HCRTR2: variants seen among roughly 807,000 people sequenced by gnomAD.
The protein encoded by HCRTR2 is orexin receptor type 2.
HCRTR2 carries 22 observed loss-of-function variants against 49.0 expected under a neutral mutation model. That is an observed-to-expected ratio of 0.45 (90% CI 0.32 to 0.64). The LOEUF is 0.64. Among genes scored for constraint, HCRTR2 ranks in the 30% least tolerant of loss-of-function variants. The probability of loss-of-function intolerance (pLI) is 0.04; values close to 1 mark genes in which losing one functional copy is unlikely to be tolerated. For synonymous variants in HCRTR2, 236 were observed against 205.3 expected, an observed-to-expected ratio of 1.15 and a Z score of -1.28; for missense variants, 491 against 559.4, an observed-to-expected ratio of 0.88 and a Z score of 1.23.
At chr6:55,246,937 G>A (rs1019928734) in intron 1 of HCRTR2, among the ~76,000 whole-genome samples, 6 of 152,034 alleles carry the variant, frequency 3.9e-5, no homozygotes, top group Non-Finnish European at 5.9e-5. Context: ...CTTCCCACCA[G>A]TGCCATTGCT....
intron 1 of HCRTR2, among the ~76,000 whole-genome samples, chr6:55,110,899 C>T (rs1764039975): frequency 6.6e-6 from 1 of 151,964 alleles, no homozygotes; most frequent in African/African-American, 2.4e-5. Context: ...ACAGAACATC[C>T]CACTGACAAC....
intron 1 of HCRTR2, among the ~76,000 whole-genome samples, chr6:55,125,937 G>A (rs1237919130): frequency 6.6e-6 from 1 of 151,946 alleles, no homozygotes; most frequent in Non-Finnish European, 1.5e-5. Context: ...GCTTCACGAA[G>A]TTCTCGTGCT....
chr6:55,129,402 G>C (rs2127244875), intron 1 of HCRTR2, among the ~76,000 whole-genome samples: 1 of 152,112 alleles, frequency 6.6e-6, no homozygotes, highest in South Asian at 2.1e-4. Flanking sequence ...CATCTAAAAT[G>C]GGTTTTGAAA....
intron 1 of HCRTR2, among the ~76,000 whole-genome samples, chr6:55,190,200 C>T (rs1365344179): frequency 3.9e-5 from 6 of 152,166 alleles, no homozygotes; most frequent in Admixed American, 3.9e-4. Context: ...TATTGTGTGC[C>T]TATTGCAGCA....
At chr6:55,230,704 T>C (rs893604428) in intron 1 of HCRTR2, among the ~76,000 whole-genome samples, 3 of 152,196 alleles carry the variant, frequency 2.0e-5, no homozygotes, top group South Asian at 4.1e-4. Context: ...TTAAAACATG[T>C]GTAAGGCATA....
At chr6:55,222,432 T>C (rs1562012203) in intron 1 of HCRTR2, among the ~76,000 whole-genome samples, 1 of 152,194 alleles carries the variant, frequency 6.6e-6, no homozygotes, top group Non-Finnish European at 1.5e-5. Context: ...ATCCCACTTT[T>C]AGATACTTTT....
chr6:55,111,060 CT>C (rs1764042345), intron 1 of HCRTR2, among the ~76,000 whole-genome samples: 1 of 152,028 alleles, frequency 6.6e-6, no homozygotes, highest in Admixed American at 6.6e-5. Flanking sequence ...TGAAAATCAA[CT>C]TCAAAAGGAA....
Position 55,165,846 on chromosome 6 carries a change from A to C in HCRTR2, c.-377-8365A>C, listed in dbSNP as rs1161687508. Among the ~76,000 whole-genome samples the C allele has an allele frequency of 4.0e-5, 6 of 150,260 alleles. No homozygotes were observed. The East Asian group carries it at 1.2e-3, about 30-fold the overall frequency. On this transcript the variant is annotated intron_variant, in intron 1 of 7. Transcript: ENST00000615358. ...ACCCAATCTAAAAAAATAGGCAATA[A>C]ATAGCTATTAGTTCTCCAAAGTACA...
intron 1 of HCRTR2, among the ~76,000 whole-genome samples, chr6:55,238,144 C>T (rs1157544969): frequency 6.6e-6 from 1 of 152,192 alleles, no homozygotes; most frequent in Non-Finnish European, 1.5e-5. Flanking sequence ...TTCTCATCTT[C>T]TATCTACTCT....
intron 2 of HCRTR2, among the ~76,000 whole-genome samples, chr6:55,253,638 C>T (rs1766594693): frequency 6.6e-6 from 1 of 152,032 alleles, no homozygotes; most frequent in Non-Finnish European, 1.5e-5. Flanking sequence ...AAATGCCCAT[C>T]AATGATAGAC....
chr6:55,117,423 GT>G (rs577423714), intron 1 of HCRTR2, among the ~76,000 whole-genome samples: 2 of 151,290 alleles, frequency 1.3e-5, no homozygotes, highest in Non-Finnish European at 3.0e-5. Flanking sequence ...TTTTGTTTTT[GT>G]TTTTTTACTG....
rs200808029 is a variant in HCRTR2, at chr6:55,228,242, T to C, written c.224-20397T>C. Among the ~76,000 whole-genome samples, 18 of 152,134 alleles carry C rather than the reference T, an allele frequency of 1.2e-4. No individual in the cohort carries two copies. In the East Asian group the frequency reaches 3.3e-3, roughly 28 times the overall value. ...AAGTTTTGAAATTTATGTGTAAGAG[T>C]TGAATGAAGAAAGTTATTAATAAGA... On this transcript the variant is annotated intron_variant, in intron 1 of 6. Transcript: ENST00000370862.
chr6:55,281,086 T>C (rs1039932860), intron 6 of HCRTR2, among the ~76,000 whole-genome samples: 1 of 152,232 alleles, frequency 6.6e-6, no homozygotes, highest in Non-Finnish European at 1.5e-5. Flanking sequence ...AATTATGTTT[T>C]AATTAGCTAC....
intron 1 of HCRTR2, among the ~76,000 whole-genome samples, chr6:55,245,504 T>TATATATAC (rs1562020390): frequency 2.8e-5 from 3 of 106,768 alleles, no homozygotes; most frequent in African/African-American, 1.0e-4. Context: ...TATATATATA[T>TATATATAC]ATCTTCCCCA....
At chr6:55,163,492 T>A (rs541611421) in intron 1 of HCRTR2, among the ~76,000 whole-genome samples, 10 of 152,192 alleles carry the variant, frequency 6.6e-5, no homozygotes, top group African/African-American at 2.2e-4. Flanking sequence ...ACTCTCTGAT[T>A]TTTGACAAAC....
chr6:55,177,378 C>T (rs1294719252), intron 1 of HCRTR2, among the ~76,000 whole-genome samples: 1 of 152,198 alleles, frequency 6.6e-6, no homozygotes, highest in Non-Finnish European at 1.5e-5. Flanking sequence ...TCGTTACTCA[C>T]AGACAACTTC....
chr6:55,241,861 A>ATTTTTTTTTT (rs917427627), intron 1 of HCRTR2, among the ~76,000 whole-genome samples: 8 of 92,518 alleles, frequency 8.6e-5, no homozygotes, highest in Non-Finnish European at 1.5e-4. Context: ...ATGGCAACTA[A>ATTTTTTTTTT]TTTTTTTTTT....
At chr6:55,138,499 C>T (rs774954886) in intron 1 of HCRTR2, among the ~76,000 whole-genome samples, 4 of 152,172 alleles carry the variant, frequency 2.6e-5, no homozygotes, top group African/African-American at 7.2e-5. Context: ...AAGCAATATG[C>T]GCATGCTGCT....
At chr6:55,194,990 A>T (rs554286604) in intron 1 of HCRTR2, among the ~76,000 whole-genome samples, 1 of 152,292 alleles carries the variant, frequency 6.6e-6, no homozygotes, top group Non-Finnish European at 1.5e-5. Flanking sequence ...GAAACCAATA[A>T]TACAGATAGA....
Sources: allele counts gnomAD v4.1 joint callset (sites outside exome capture counted in the v4.1 genomes callset), GRCh38; gene constraint gnomAD v4.1.1; transcripts MANE v1.5; gene names NCBI Gene and HGNC (gene_info 2026-07-23, HGNC 2026-07-21).